Variants in RIOK1 observed in about 807,000 individuals in gnomAD.
RIOK1 encodes RIO kinase 1.
A neutral mutation model predicts 73.5 loss-of-function variants in RIOK1; 66 were observed. That is an observed-to-expected ratio of 0.90 (90% CI 0.74 to 1.10). RIOK1 has a LOEUF of 1.10. RIOK1 is among the 50% of genes least tolerant of loss of function. RIOK1 has a pLI of 0.00. For missense variants in RIOK1, 658 were observed against 699.8 expected (o/e 0.94, Z 0.67); for synonymous variants, 224 against 226.8 (o/e 0.99, Z 0.11).
chr6:7,400,051 C>T lies in RIOK1; in HGVS notation c.481-907C>T, dbSNP rs1425069245. Reference sequence around the variant, plus strand: ...TTAGAAATTGCATACAAATATTTGGCTGCTTTAGTTTCAGAGATAAACAAG... The same window carrying T: ...TTAGAAATTGCATACAAATATTTGGTTGCTTTAGTTTCAGAGATAAACAAG... On this transcript the variant is annotated intron_variant, in intron 5 of 16. Coordinates refer to ENST00000379834, the MANE Select transcript of RIOK1 (RefSeq NM_031480.3). 2.6e-5 allele frequency among the ~76,000 whole-genome samples: 4 copies of T among 152,200 alleles called. No individual in the cohort carries two copies. In the East Asian group the frequency reaches 7.7e-4, roughly 29 times the overall value.
At chr6:7,395,264 G>A (rs6899625) in intron 3 of RIOK1, 121 bp downstream of exon 3, 625,416 of 1,099,744 alleles carry the variant, frequency 0.57, 180,347 homozygotes, top group South Asian at 0.63. Flanking sequence ...CTGTAATCCC[G>A]GCACTTTGGG....
chr6:7,411,697 A>G, intron 14 of RIOK1: 2 of 417,874 alleles, frequency 4.8e-6, no homozygotes, highest in Non-Finnish European at 8.7e-6. Flanking sequence ...CAAGATTCAG[A>G]TAGAAGTCTA....
At position 7,410,588 on chromosome 6, in the gene RIOK1, T is replaced by C. The variant is rs1226072702; in HGVS notation, c.1269+137T>C. 2.1e-5 allele frequency: 13 copies of C among 616,926 alleles called. No homozygotes were observed. The South Asian group carries it at 2.2e-4, about 10-fold the overall frequency. The allele number at this position is 616,926 out of a possible 1,614,324, so 38.2% of individuals were successfully genotyped here. A position where few individuals can be genotyped will look rare whatever the true frequency, so the allele number is the denominator to read the frequency against. On this transcript the variant is annotated intron_variant, in intron 13 of 16. Coordinates refer to ENST00000379834, the MANE Select transcript of RIOK1 (RefSeq NM_031480.3). ...ATGATGGTAATATTTCCTTAAGATA[T>C]ATTATAGTAAATGATTTAAGTGAGC...
chr6:7,390,631 A>G, intron 1 of RIOK1, among the ~76,000 whole-genome samples: 1 of 152,228 alleles, frequency 6.6e-6, no homozygotes, highest in Admixed American at 6.5e-5. Flanking sequence ...AGCAGAGGGA[A>G]CAGCATTTCA....
At position 7,404,572 on chromosome 6, in the gene RIOK1, T is replaced by C. The variant is rs1194606746; in HGVS notation, c.992+17T>C. Reference sequence around the variant, plus strand: ...TAACATGCTGTGAGTGTATTTTGTCTCTTAAGAACTGCCTGTCAGTTGTTT... The same window carrying C: ...TAACATGCTGTGAGTGTATTTTGTCCCTTAAGAACTGCCTGTCAGTTGTTT... On this transcript the variant is annotated intron_variant, in intron 10 of 16. Transcript: ENST00000379834. 1 of 1,608,890 alleles carries C rather than the reference T, an allele frequency of 6.2e-7. No individual in the cohort carries two copies. Among genetic ancestry groups the C allele is most frequent in the African/African-American group, 1.3e-5 (1 of 74,830 alleles).
At chr6:7,416,402 A>G (rs1434454474) in intron 16 of RIOK1, among the ~76,000 whole-genome samples, 2 of 152,172 alleles carry the variant, frequency 1.3e-5, no homozygotes, top group Non-Finnish European at 2.9e-5. Flanking sequence ...TAATCCCATC[A>G]CTTTGGGAGG....
At chr6:7,400,452 GT>G (rs1761582817) in intron 5 of RIOK1, among the ~76,000 whole-genome samples, 1 of 152,142 alleles carries the variant, frequency 6.6e-6, no homozygotes, top group Non-Finnish European at 1.5e-5. Context: ...GAATTGAGAT[GT>G]GCTTTAAATG....
Position 7,414,373 on chromosome 6 carries a change from C to G in RIOK1, c.1579C>G (p.Pro527Ala), listed in dbSNP as rs771918627. 2.5e-6 allele frequency: 4 copies of G among 1,602,778 alleles called. No individual in the cohort carries two copies. Among genetic ancestry groups the G allele is most frequent in the East Asian group, 2.2e-5 (1 of 44,778 alleles). ...CCGCCCCAAGAAACACACCACGGAC[C>G]CTGACATTGATAAAAAAGTAAGCAA... ...HARPKKHTTD[P>A]DIDKKERKKM... The change falls in exon 16 of 17, where the codon CCT (proline) becomes GCT (alanine). Residue 527 changes from proline (P) to alanine (A), a missense_variant. By Grantham distance (27) the Pro-to-Ala change is conservative (BLOSUM62 -1). Coordinates refer to ENST00000379834, the MANE Select transcript of RIOK1 (RefSeq NM_031480.3).
chr6:7,408,171 G>A (rs1194633527), intron 12 of RIOK1, among the ~76,000 whole-genome samples: 1 of 152,088 alleles, frequency 6.6e-6, no homozygotes, highest in Admixed American at 6.6e-5. Context: ...TGAATAGCTG[G>A]GATTATGGGC....
intron 6 of RIOK1, among the ~76,000 whole-genome samples, chr6:7,401,269 A>C (rs951673037): frequency 6.6e-6 from 1 of 152,202 alleles, no homozygotes; most frequent in African/African-American, 2.4e-5. Context: ...CCCAGTAGTG[A>C]GTGAGATGGT....
chr6:7,405,757 A>G (rs1280550979), intron 12 of RIOK1, among the ~76,000 whole-genome samples: 3 of 149,766 alleles, frequency 2.0e-5, no homozygotes, highest in Non-Finnish European at 4.4e-5. Context: ...ACAGCACAAC[A>G]GCCAATGGTA....
At chr6:7,407,513 G>A (rs1447485895) in intron 12 of RIOK1, among the ~76,000 whole-genome samples, 7 of 150,070 alleles carry the variant, frequency 4.7e-5, no homozygotes, top group Non-Finnish European at 1.0e-4. Context: ...AAGAGACAGG[G>A]TCTCTCTGTT....
intron 6 of RIOK1, among the ~76,000 whole-genome samples, chr6:7,402,273 A>G (rs773265623): frequency 4.6e-5 from 7 of 152,228 alleles, no homozygotes; most frequent in Non-Finnish European, 4.4e-5. Context: ...TAACAATTGT[A>G]AGACAATGGT....
chr6:7,393,214 T>C lies in RIOK1; in HGVS notation c.187T>C (p.Tyr63His), dbSNP rs771361627. The change falls in exon 2 of 17, where the codon TAT becomes CAT. Residue 63 changes from tyrosine to histidine, a missense_variant. Coordinates refer to ENST00000379834, the MANE Select transcript of RIOK1 (RefSeq NM_031480.3). Reference protein sequence around the residue: ...GEIEDEEEEGYDDDDDDWDWD... With the variant: ...GEIEDEEEEGHDDDDDDWDWD... Reference sequence around the variant, plus strand: ...AATAGAAGATGAGGAGGAGGAGGGTTATGACGATGATGATGATGACTGGGA... The same window carrying C: ...AATAGAAGATGAGGAGGAGGAGGGTCATGACGATGATGATGATGACTGGGA... The C allele has an allele frequency of 1.2e-6, 2 of 1,611,224 alleles. No homozygotes were observed. Among genetic ancestry groups the C allele is most frequent in the Admixed American group, 1.7e-5 (1 of 60,002 alleles).
chr6:7,406,700 C>G (rs1357541245), intron 12 of RIOK1, among the ~76,000 whole-genome samples: 2 of 152,150 alleles, frequency 1.3e-5, no homozygotes, highest in Non-Finnish European at 2.9e-5. Flanking sequence ...CTCACTCTGT[C>G]ACCAGGCTAG....
At chr6:7,400,365 C>T (rs1240467935) in intron 5 of RIOK1, among the ~76,000 whole-genome samples, 2 of 152,092 alleles carry the variant, frequency 1.3e-5, no homozygotes, top group Non-Finnish European at 2.9e-5. Flanking sequence ...GGTCCATGGG[C>T]CGGAGAGTGC....
chr6:7,392,806 C>A, intron 1 of RIOK1: 2 of 358,134 alleles, frequency 5.6e-6, no homozygotes, highest in Non-Finnish European at 7.8e-6. Context: ...GTTTATTCAG[C>A]AGAGAAGATA....
chr6:7,396,341 G>A (rs1761473572), intron 3 of RIOK1, among the ~76,000 whole-genome samples: 1 of 152,184 alleles, frequency 6.6e-6, no homozygotes, highest in South Asian at 2.1e-4. Context: ...ATAACTTGAA[G>A]TGAAACAAGT....
chr6:7,412,957 T>G lies in RIOK1; in HGVS notation c.1443+15T>G. On this transcript the variant is annotated intron_variant, in intron 15 of 16. Coordinates refer to ENST00000379834, the MANE Select transcript of RIOK1 (RefSeq NM_031480.3). ...GAGTTCAGAAGGTATGAAGAACATG[T>G]GTTACTGTTTGTTTATGTGAAAACA... 2 of 1,495,746 alleles carry G rather than the reference T, an allele frequency of 1.3e-6. No homozygotes were observed. The highest frequency in any genetic ancestry group is 1.8e-6 in the Non-Finnish European group (2 of 1,105,956). 92.7% of individuals were successfully genotyped at this position (1,495,746 alleles called of 1,614,324 possible).
Sources: gnomAD v4.1 joint callset for allele counts (sites outside exome capture counted in the v4.1 genomes callset) on GRCh38, gnomAD v4.1.1 for gene constraint, MANE v1.5 for transcripts, NCBI Gene and HGNC (gene_info 2026-07-23, HGNC 2026-07-21) for gene names.